ACSL3: variants seen among roughly 807,000 people sequenced by gnomAD.
The protein encoded by ACSL3 is acyl-CoA synthetase long chain family member 3, also known as fatty acid CoA ligase Acsl3.
Under a neutral mutation model 84.7 loss-of-function variants are expected in ACSL3, and 34 were observed. The ratio of observed to expected loss-of-function variants is 0.40; its 90% CI spans 0.31 to 0.53. ACSL3 has a LOEUF of 0.53. Ranked by LOEUF, ACSL3 falls within the 20% of genes least tolerant of loss-of-function variation. The probability of loss-of-function intolerance (pLI) is 0.48; values close to 1 mark genes in which losing one functional copy is unlikely to be tolerated. For missense variants in ACSL3, 680 were observed against 873.1 expected (o/e 0.78, Z 2.79); for synonymous variants, 315 against 299.4 (o/e 1.05, Z -0.54).
At chr2:222,916,220 G>T in intron 4 of ACSL3, 99 bp from the exon 5 acceptor site, 1 of 718,292 alleles carries the variant, frequency 1.4e-6, no homozygotes, top group Non-Finnish European at 2.0e-6. Context: ...CTATGCAAAC[G>T]TAACTTTCTG....
At chr2:222,885,559 T>G (rs1695698866) in intron 1 of ACSL3, among the ~76,000 whole-genome samples, 1 of 152,230 alleles carries the variant, frequency 6.6e-6, no homozygotes, top group Non-Finnish European at 1.5e-5. Context: ...TCTACAACTA[T>G]GGATATGAAT....
At chr2:222,886,855 C>CT (rs1376139282) in intron 1 of ACSL3, among the ~76,000 whole-genome samples, 7 of 152,124 alleles carry the variant, frequency 4.6e-5, no homozygotes, top group African/African-American at 1.7e-4. Flanking sequence ...TAGCCTCCCT[C>CT]TTTATCAACA....
At chr2:222,867,565 G>T (rs10469668) in intron 1 of ACSL3, among the ~76,000 whole-genome samples, 99,172 of 152,022 alleles carry the variant, frequency 0.65, 33,849 homozygotes, top group African/African-American at 0.82. Flanking sequence ...AAATCACTTA[G>T]CAGTGTGGTT....
chr2:222,879,128 T>G (rs1695529330), intron 1 of ACSL3, among the ~76,000 whole-genome samples: 1 of 151,984 alleles, frequency 6.6e-6, no homozygotes, highest in Non-Finnish European at 1.5e-5. Flanking sequence ...ACTATCCTGG[T>G]CAACATGGGT....
chr2:222,933,194 G>T lies in ACSL3; in HGVS notation c.1761G>T (p.Gln587His). 1 of 1,613,742 alleles carries T rather than the reference G, an allele frequency of 6.2e-7. No homozygotes were observed. The highest frequency in any genetic ancestry group is 8.5e-7 in the Non-Finnish European group (1 of 1,179,856). The stretch of plus-strand genomic sequence containing the variant: ...GTAAAAAGGACCTTGTAAAACTACA[G>T]GCAGGGGAATATGTTTCTCTTGGGA... ...IDRKKDLVKL[Q>H]AGEYVSLGKV... The change falls in exon 15 of 17, where the codon CAG becomes CAT. Residue 587 changes from glutamine (Q) to histidine (H), a missense_variant. Coordinates refer to ENST00000357430, the MANE Select transcript of ACSL3 (RefSeq NM_004457.5).
At chr2:222,930,835 G>C in intron 14 of ACSL3, 23 bp downstream of exon 14, 1 of 1,565,322 alleles carries the variant, frequency 6.4e-7, no homozygotes, top group Non-Finnish European at 8.7e-7. Context: ...ATATTTTTTT[G>C]AAAATGAATG....
At position 222,916,344 on chromosome 2, in the gene ACSL3, T is replaced by A. The variant is rs1431218881; in HGVS notation, c.404T>A (p.Leu135His). 6.2e-7 allele frequency: 1 copy of A among 1,613,218 alleles called. No homozygotes were observed. Among genetic ancestry groups the A allele is most frequent in the African/African-American group, 1.3e-5 (1 of 75,028 alleles). Residue 135 changes from leucine (L) to histidine (H), a missense_variant, in exon 5 of 17, where the codon CTT (leucine) becomes CAT (histidine). Physicochemically the swap from Leu to His is moderately conservative, Grantham distance 99 (BLOSUM62 -3). Transcript: ENST00000357430. ...KKVILGQYNW[L>H]SYEDVFVRAF... Reference sequence around the variant, plus strand: ...GTTATTCTTGGACAGTATAATTGGCTTTCCTATGAAGATGTCTTTGTTCGA... The same window carrying A: ...GTTATTCTTGGACAGTATAATTGGCATTCCTATGAAGATGTCTTTGTTCGA...
At chr2:222,933,856 CAG>C (rs1697100902) in intron 15 of ACSL3, 2 of 152,298 alleles carry the variant, frequency 1.3e-5, no homozygotes, top group Admixed American at 6.5e-5. Context: ...AATTTAGAAA[CAG>C]ATGTTGGGGG....
intron 1 of ACSL3, among the ~76,000 whole-genome samples, chr2:222,875,502 C>T (rs1695423539): frequency 1.3e-5 from 2 of 152,082 alleles, no homozygotes; most frequent in South Asian, 4.1e-4. Context: ...TGATTTATAT[C>T]CCATTCTGTA....
chr2:222,916,729 G>A (rs1426622512), intron 5 of ACSL3: 3 of 338,772 alleles, frequency 8.9e-6, no homozygotes, highest in African/African-American at 4.2e-5. Flanking sequence ...GAGACTTTCA[G>A]GTCTTGAGAA....
chr2:222,927,264 T>A, intron 12 of ACSL3, 75 bp downstream of exon 12: 2 of 1,495,320 alleles, frequency 1.3e-6, no homozygotes, highest in South Asian at 2.4e-5. Flanking sequence ...TTTCTGCAAA[T>A]ATATAGGAGA....
chr2:222,880,842 A>C (rs1054458162), intron 1 of ACSL3, among the ~76,000 whole-genome samples: 1 of 151,518 alleles, frequency 6.6e-6, no homozygotes, highest in Admixed American at 6.6e-5. Flanking sequence ...AAAAAAAAAA[A>C]AAACAAAAAA....
chr2:222,880,261 A>G (rs1695556483), intron 1 of ACSL3, among the ~76,000 whole-genome samples: 1 of 152,232 alleles, frequency 6.6e-6, no homozygotes, highest in Non-Finnish European at 1.5e-5. Context: ...ACAAACACGT[A>G]AGAAAAATCC....
chr2:222,905,296 G>T (rs1234249096), intron 3 of ACSL3, among the ~76,000 whole-genome samples: 1 of 152,060 alleles, frequency 6.6e-6, no homozygotes, highest in Non-Finnish European at 1.5e-5. Context: ...GAGTAGCAGG[G>T]ACTACAAGTG....
rs1474445239 is a variant in ACSL3, at chr2:222,870,198, C to G, written c.-207+8940C>G. On this transcript the variant is annotated intron_variant, in intron 1 of 16. Coordinates refer to ENST00000357430, the MANE Select transcript of ACSL3 (RefSeq NM_004457.5). ...GTTCTTTTTACCTCCTTTTCCCCCT[C>G]CTTTACTTGACTCAGGATTTTTGTT... Among the ~76,000 whole-genome samples, 4 of 151,802 alleles carry G rather than the reference C, an allele frequency of 2.6e-5. No individual in the cohort carries two copies. The East Asian group carries it at 7.7e-4, about 29-fold the overall frequency.
chr2:222,881,089 A>G (rs933466146), intron 1 of ACSL3, among the ~76,000 whole-genome samples: 1 of 152,212 alleles, frequency 6.6e-6, no homozygotes, highest in Admixed American at 6.5e-5. Flanking sequence ...TGTAAGCCAT[A>G]TATGTAGTTT....
intron 2 of ACSL3, 53 bp from the exon 3 acceptor site, chr2:222,900,621 C>T (rs1696118518): frequency 6.6e-6 from 1 of 152,144 alleles, no homozygotes; most frequent in Admixed American, 6.5e-5. Context: ...ATCATTTTCT[C>T]TCCTTGTATT....
chr2:222,891,630 ACTGTTATTTCCG>A (rs753149103), intron 2 of ACSL3, among the ~76,000 whole-genome samples: 21 of 152,180 alleles, frequency 1.4e-4, no homozygotes, highest in Non-Finnish European at 2.9e-4. Context: ...CAAGAGTCCT[ACTGTTATTTCCG>A]CTATCATACT....
intron 3 of ACSL3, among the ~76,000 whole-genome samples, chr2:222,903,942 T>TA (rs11315051): frequency 2.8e-4 from 43 of 150,878 alleles, no homozygotes; most frequent in Middle Eastern, 3.4e-3. Context: ...CCTGAATAGT[T>TA]AAAAAAAAAA....
Sources: allele counts gnomAD v4.1 joint callset (sites outside exome capture counted in the v4.1 genomes callset), GRCh38; gene constraint gnomAD v4.1.1; transcripts MANE v1.5; gene names NCBI Gene and HGNC (gene_info 2026-07-23, HGNC 2026-07-21).